Variants in MAGI1 observed in about 807,000 individuals in gnomAD.
MAGI1 encodes membrane-associated guanylate kinase, WW and PDZ domain-containing protein 1.
MAGI1 carries 58 observed loss-of-function variants against 139.9 expected under a neutral mutation model. The ratio of observed to expected loss-of-function variants is 0.41; its 90% CI spans 0.34 to 0.52. The LOEUF (loss-of-function observed/expected upper bound fraction) is 0.52, where lower values mean the gene tolerates loss of function less well. Among genes scored for constraint, MAGI1 ranks in the 20% least tolerant of loss-of-function variants. MAGI1 has a pLI of 0.12. For synonymous variants in MAGI1, 812 were observed against 737.9 expected, an observed-to-expected ratio of 1.10 and a Z score of -1.63; for missense variants, 1,874 against 1,901.6, an observed-to-expected ratio of 0.99 and a Z score of 0.27.
chr3:65,621,890 T>G, intron 2 of MAGI1, 82 bp downstream of exon 2: 5 of 976,618 alleles, frequency 5.1e-6, no homozygotes, highest in African/African-American at 1.7e-5. Flanking sequence ...AACCAGTTGT[T>G]GAGATCTCCT....
intron 13 of MAGI1, among the ~76,000 whole-genome samples, chr3:65,394,305 A>C (rs557915181): frequency 3.9e-5 from 6 of 152,198 alleles, no homozygotes; most frequent in Non-Finnish European, 7.3e-5. Flanking sequence ...AATGACAGAC[A>C]CAATCTGGAA....
intron 3 of MAGI1, among the ~76,000 whole-genome samples, chr3:65,492,256 T>C (rs1952092850): frequency 6.6e-6 from 1 of 152,178 alleles, no homozygotes; most frequent in Admixed American, 6.5e-5. Context: ...CTCCAAAAAG[T>C]AATCAAGCTA....
chr3:65,570,596 T>C (rs1298607662), intron 2 of MAGI1, among the ~76,000 whole-genome samples: 1 of 152,188 alleles, frequency 6.6e-6, no homozygotes, highest in African/African-American at 2.4e-5. Context: ...AAAAATGAAA[T>C]TGTATGATAT....
chr3:65,356,621 C>T lies in MAGI1; in HGVS notation c.4146G>A (p.Arg1382=). 1 of 1,592,912 alleles carries T rather than the reference C, an allele frequency of 6.3e-7. No individual in the cohort carries two copies. The highest frequency in any genetic ancestry group is 1.4e-5 in the African/African-American group (1 of 73,954). Residue 1382 remains arginine (R), a synonymous_variant, in exon 23 of 23, where the codon AGG becomes AGA. Transcript: ENST00000402939. Reference sequence around the variant, plus strand: ...AGCCCCCTCTCCTGCGCTCGGGGGACCTCCTCTGCTCCAGGAGTCTCTCCA... The same window carrying T: ...AGCCCCCTCTCCTGCGCTCGGGGGATCTCCTCTGCTCCAGGAGTCTCTCCA... ...RSLERLLEQR[R]SPERRRGGSP...
At chr3:65,978,537 T>C (rs919644383) in intron 1 of MAGI1, among the ~76,000 whole-genome samples, 1 of 151,178 alleles carries the variant, frequency 6.6e-6, no homozygotes, top group African/African-American at 2.4e-5. Context: ...AGGGATCCTA[T>C]CCCCCATTCC....
chr3:65,846,312 G>A (rs868231081), intron 1 of MAGI1, among the ~76,000 whole-genome samples: 19 of 152,208 alleles, frequency 1.2e-4, no homozygotes, highest in Non-Finnish European at 1.0e-4. Flanking sequence ...CTTATGTAGT[G>A]CGGTCTCAAG....
intron 1 of MAGI1, among the ~76,000 whole-genome samples, chr3:65,963,829 A>G (rs2064597339): frequency 6.6e-6 from 1 of 152,242 alleles, no homozygotes; most frequent in Non-Finnish European, 1.5e-5. Context: ...ATTTATTTCA[A>G]GATTTGGCAC....
At chr3:65,742,690 T>C (rs980189311) in intron 1 of MAGI1, among the ~76,000 whole-genome samples, 1 of 152,210 alleles carries the variant, frequency 6.6e-6, no homozygotes, top group African/African-American at 2.4e-5. Context: ...CTTCATGCGC[T>C]CTCAACCTTT....
intron 1 of MAGI1, among the ~76,000 whole-genome samples, chr3:65,721,078 A>G (rs2032959267): frequency 6.6e-6 from 1 of 152,044 alleles, no homozygotes; most frequent in Admixed American, 6.5e-5. Flanking sequence ...GCTGCTGTTA[A>G]CCTGTCTTGG....
chr3:65,971,600 C>A (rs142648513), intron 1 of MAGI1, among the ~76,000 whole-genome samples: 1 of 152,174 alleles, frequency 6.6e-6, no homozygotes, highest in Non-Finnish European at 1.5e-5. Flanking sequence ...CATGTTTTCA[C>A]GCAATTCAAA....
intron 1 of MAGI1, among the ~76,000 whole-genome samples, chr3:65,627,840 T>G (rs1000384645): frequency 6.6e-6 from 1 of 152,130 alleles, no homozygotes; most frequent in Non-Finnish European, 1.5e-5. Context: ...TCTGGAATTC[T>G]GTGTCTTCTA....
intron 1 of MAGI1, among the ~76,000 whole-genome samples, chr3:65,633,504 C>A (rs940118097): frequency 1.3e-5 from 2 of 152,152 alleles, no homozygotes; most frequent in African/African-American, 4.8e-5. Flanking sequence ...TTTGCTAGCA[C>A]TTCAGGAAAT....
At chr3:65,483,355 G>A (rs1031192817) in intron 3 of MAGI1, among the ~76,000 whole-genome samples, 11 of 152,122 alleles carry the variant, frequency 7.2e-5, no homozygotes, top group Non-Finnish European at 1.5e-4. Context: ...TGGCCCCTCA[G>A]GCATTTGAGT....
chr3:65,828,500 A>C (rs1044407212), intron 1 of MAGI1, among the ~76,000 whole-genome samples: 1 of 152,198 alleles, frequency 6.6e-6, no homozygotes, highest in African/African-American at 2.4e-5. Flanking sequence ...GGGAGACTGA[A>C]AGAAAAGGAA....
intron 1 of MAGI1, among the ~76,000 whole-genome samples, chr3:65,661,745 G>GTTTTTTTTTTTTTTTT (rs11369893): frequency 4.5e-4 from 42 of 93,914 alleles, no homozygotes; most frequent in South Asian, 7.6e-4. Context: ...GTTTTTTTCT[G>GTTTTTTTTTTTTTTTT]TTTTTTTTTT....
At chr3:65,998,641 C>T (rs2066581482) in intron 1 of MAGI1, among the ~76,000 whole-genome samples, 1 of 152,128 alleles carries the variant, frequency 6.6e-6, no homozygotes, top group African/African-American at 2.4e-5. Flanking sequence ...AGATAATGAT[C>T]ACTTATCCCA....
chr3:65,801,927 A>G (rs12494220), intron 1 of MAGI1, among the ~76,000 whole-genome samples: 45,293 of 151,888 alleles, frequency 0.3, 7,045 homozygotes, highest in East Asian at 0.45. Flanking sequence ...GCCTCCTGTG[A>G]TATCAGCAGA....
intron 12 of MAGI1, among the ~76,000 whole-genome samples, chr3:65,422,314 C>T (rs1242172955): frequency 1.3e-5 from 2 of 152,188 alleles, no homozygotes; most frequent in African/African-American, 2.4e-5. Flanking sequence ...TGACATGAAG[C>T]TCCCACATCT....
chr3:65,978,617 A>AATTTTTT (rs1553742141), intron 1 of MAGI1, among the ~76,000 whole-genome samples: 1 of 95,092 alleles, frequency 1.1e-5, no homozygotes, highest in African/African-American at 4.3e-5. Flanking sequence ...TCAGCTCAAA[A>AATTTTTT]TTTCTTTTTT....
Sources: allele counts gnomAD v4.1 joint callset (sites outside exome capture counted in the v4.1 genomes callset), GRCh38; gene constraint gnomAD v4.1.1; transcripts MANE v1.5; gene names NCBI Gene and HGNC (gene_info 2026-07-23, HGNC 2026-07-21).